RASIP1: variants seen among roughly 807,000 people sequenced by gnomAD.
The protein encoded by RASIP1 is Ras interacting protein 1, also known as ras-interacting protein 1.
Under a neutral mutation model 85.3 loss-of-function variants are expected in RASIP1, and 20 were observed. The observed-to-expected ratio is 0.23, with a 90% CI of 0.17 to 0.34. The LOEUF is 0.34. Among genes scored for constraint, RASIP1 ranks in the 10% least tolerant of loss-of-function variants. RASIP1 has a pLI of 1.00. For missense variants in RASIP1, 1,170 were observed against 1,390.9 expected, an observed-to-expected ratio of 0.84 and a Z score of 2.53; for synonymous variants, 617 against 647.1, an observed-to-expected ratio of 0.95 and a Z score of 0.71.
Position 48,724,908 on chromosome 19 carries a change from C to A in RASIP1, c.2180G>T (p.Gly727Val), listed in dbSNP as rs936229937. The A allele has an allele frequency of 6.2e-7, 1 of 1,614,094 alleles. No individual in the cohort carries two copies. The highest frequency in any genetic ancestry group is 8.5e-7 in the Non-Finnish European group (1 of 1,180,056). The change falls in exon 9 of 12, where the codon GGT becomes GTT. Residue 727 changes from glycine (G) to valine (V), a missense_variant. Gly to Val is a moderately radical substitution (Grantham distance 109, BLOSUM62 -3). Around this residue, in one of 4 missense-constraint regions of RASIP1, gnomAD observed 426 missense variants for 576.2 expected, o/e 0.74. Coordinates refer to ENST00000222145, the MANE Select transcript of RASIP1 (RefSeq NM_017805.3). This position sits in a 1 kb window ranked among gnomAD's most constrained non-coding sequence, Gnocchi z 4.6. ...CGCGCCAGGCCCCGGCAGCTCTGCA[C>A]CAGCTGTGAAAGGGTTACTATCCAG... ...ALLDSNPFTA[G>V]AELPGPGAEL...
chr19:48,737,220 A>G (rs184329950), intron 3 of RASIP1, among the ~76,000 whole-genome samples: 2 of 152,300 alleles, frequency 1.3e-5, no homozygotes, highest in African/African-American at 4.8e-5. Flanking sequence ...ATATTATCCC[A>G]TTGAATCCTC....
At chr19:48,734,493 T>TC (rs1568481497) in intron 4 of RASIP1, among the ~76,000 whole-genome samples, 6 of 146,214 alleles carry the variant, frequency 4.1e-5, no homozygotes, top group South Asian at 4.4e-4. Flanking sequence ...TTTCTTTCTT[T>TC]TTTTTTTTTT....
At position 48,739,675 on chromosome 19, in the gene RASIP1, GGA is replaced by G; in HGVS notation, c.138-32_138-31del. ...GAGTCCGCCGGGGAACAGAGTCGCG[GGA>G]GAGAGACCCAGGACGACACGCCAAG... On this transcript the variant is annotated intron_variant, in intron 2 of 11. Transcript: ENST00000222145. The surrounding 1 kb of genome is among the most constrained non-coding windows in gnomAD (Gnocchi z 9.2). The G allele has an allele frequency of 7.3e-7, 1 of 1,376,638 alleles. No homozygotes were observed. The highest frequency in any genetic ancestry group is 9.4e-7 in the Non-Finnish European group (1 of 1,064,602). The allele number at this position is 1,376,638 out of a possible 1,614,324, so 85.3% of individuals were successfully genotyped here.
chr19:48,728,916 C>G (rs2033392143), intron 5 of RASIP1, 21 bp downstream of exon 5: 1 of 1,429,666 alleles, frequency 7.0e-7, no homozygotes, highest in South Asian at 1.4e-5. Flanking sequence ...TGGGGCTGGA[C>G]GGCGATTGGG....
chr19:48,735,795 T>TC (rs201414213), intron 3 of RASIP1, among the ~76,000 whole-genome samples: 85 of 129,892 alleles, frequency 6.5e-4, no homozygotes, highest in Middle Eastern at 4.3e-3. Flanking sequence ...TTGTTCTTCT[T>TC]TTTTTTTTTT....
At position 48,740,287 on chromosome 19, in the gene RASIP1, C is replaced by CT. The variant is rs752130364; in HGVS notation, c.-4-2dup. ...CTTCCGTTCACCAGACAGCATGGCC[C>CT]TAAGGGAAGGCGGGTAAGGCCCCAA... On this transcript the variant is annotated splice_acceptor_variant, in intron 1 of 11. Transcript: ENST00000222145. LOFTEE classifies it low-confidence loss of function (5UTR_SPLICE). This position sits in a 1 kb window ranked among gnomAD's most constrained non-coding sequence, Gnocchi z 5.5. 6.3e-7 allele frequency: 1 copy of CT among 1,575,052 alleles called. No individual in the cohort carries two copies. The highest frequency in any genetic ancestry group is 1.9e-5 in the Admixed American group (1 of 51,486).
In RASIP1 at chr19:48,738,778, C is replaced by T; in HGVS notation, c.823+182G>A. On this transcript the variant is annotated intron_variant, in intron 3 of 11. Transcript: ENST00000222145. This position sits in a 1 kb window ranked among gnomAD's most constrained non-coding sequence, Gnocchi z 4.0. ...TCTCAGGCCCGCCCATCTGGCCGCC[C>T]CCGGCCCTGCTCTAGCTCTGCCTAG... 3.7e-6 allele frequency: 3 copies of T among 804,310 alleles called. No individual in the cohort carries two copies. The highest frequency in any genetic ancestry group is 1.8e-5 in the African/African-American group (1 of 55,346). 49.8% of individuals were successfully genotyped at this position (804,310 alleles called of 1,614,324 possible).
At chr19:48,736,143 C>T (rs1004157242) in intron 3 of RASIP1, among the ~76,000 whole-genome samples, 1 of 151,142 alleles carries the variant, frequency 6.6e-6, no homozygotes, top group Non-Finnish European at 1.5e-5. Context: ...AGGCCGGGTG[C>T]GGTGGCTCAC....
rs756762672 is a variant in RASIP1 at position 48,724,722 on chromosome 19, T to A, written c.2366A>T (p.Glu789Val). ...SNASLLNSLMERGQGRPFYQW... is the reference protein window; with the variant it reads ...SNASLLNSLMVRGQGRPFYQW... ...AGCTCCCAGCCAACCTTCACCTCGT[T>A]CCATCAGCGAGTTGAGAAGGGATGC... is the stretch of plus-strand genomic sequence containing the variant. The change falls in exon 9 of 12, where the codon GAA becomes GTA. Residue 789 changes from glutamate to valine, a missense_variant. Glu to Val is a moderately radical substitution (Grantham distance 121). Coordinates refer to ENST00000222145, the MANE Select transcript of RASIP1 (RefSeq NM_017805.3). The surrounding 1 kb of genome is among the most constrained non-coding windows in gnomAD (Gnocchi z 4.6). The A allele has an allele frequency of 1.6e-5, 26 of 1,614,140 alleles. 1 individual carries two copies. The Middle Eastern group carries it at 4.9e-4, about 31-fold the overall frequency.
At chr19:48,731,863 C>G (rs1230404315) in intron 4 of RASIP1, among the ~76,000 whole-genome samples, 1 of 152,128 alleles carries the variant, frequency 6.6e-6, no homozygotes. Context: ...ATGGGATGAC[C>G]CAAAATAAAA....
At chr19:48,729,630 A>G (rs2033410574) in intron 4 of RASIP1, 40 bp from the exon 5 acceptor site, 1 of 1,530,584 alleles carries the variant, frequency 6.5e-7, no homozygotes. Context: ...CATCACTTCA[A>G]TCCATATCTT....
chr19:48,736,737 G>A (rs999304811), intron 3 of RASIP1, among the ~76,000 whole-genome samples: 3 of 151,960 alleles, frequency 2.0e-5, no homozygotes, highest in South Asian at 2.1e-4. Context: ...CCAGTGCCCC[G>A]AAAACTGTGT....
At chr19:48,734,261 G>T (rs1235766820) in intron 4 of RASIP1, among the ~76,000 whole-genome samples, 1 of 151,776 alleles carries the variant, frequency 6.6e-6, no homozygotes, top group Non-Finnish European at 1.5e-5. Flanking sequence ...CGCCACTGGA[G>T]TCCAGCCTGG....
Position 48,724,185 on chromosome 19 carries a change from A to G in RASIP1, c.2544+152T>C, listed in dbSNP as rs974615518. ...TCATTGTTGGTGCTGGCTTCCTTCT[A>G]CCTGCCAATGTGTTACCCACAGTGT... On this transcript the variant is annotated intron_variant, in intron 10 of 11. Transcript: ENST00000222145. The surrounding 1 kb of genome is among the most constrained non-coding windows in gnomAD (Gnocchi z 4.6). The G allele has an allele frequency of 2.2e-4, 161 of 728,356 alleles. No individual in the cohort carries two copies. Among genetic ancestry groups the G allele is most frequent in the Non-Finnish European group, 2.7e-4 (124 of 453,466 alleles). The allele number at this position is 728,356 out of a possible 1,614,324, so 45.1% of individuals were successfully genotyped here.
At chr19:48,727,319 G>A (rs2033358929) in intron 6 of RASIP1, 74 bp downstream of exon 6, 11 of 1,565,966 alleles carry the variant, frequency 7.0e-6, no homozygotes, top group South Asian at 1.1e-5. Context: ...GGCATGCATG[G>A]GGTGAACACA....
rs989167426 is a variant in RASIP1, at chr19:48,727,296, A to T, written c.1871+97T>A. 9 of 1,545,702 alleles carry T rather than the reference A, an allele frequency of 5.8e-6. No homozygotes were observed. The African/African-American group carries it at 1.1e-4, about 19-fold the overall frequency. On this transcript the variant is annotated intron_variant, in intron 6 of 11. Coordinates refer to ENST00000222145, the MANE Select transcript of RASIP1 (RefSeq NM_017805.3). ...AAAAGTTGAGCGCAAGGAGAAGCAG[A>T]AACTTGCACTGGGGCATGCATGGGG... is the stretch of plus-strand genomic sequence containing the variant.
chr19:48,735,556 G>A lies in RASIP1; in HGVS notation c.824-5C>T, dbSNP rs775504118. 4.6e-6 allele frequency: 7 copies of A among 1,527,228 alleles called. No individual in the cohort carries two copies. The highest frequency in any genetic ancestry group is 6.2e-6 in the Non-Finnish European group (7 of 1,136,222). The allele number at this position is 1,527,228 out of a possible 1,614,324, so 94.6% of individuals were successfully genotyped here. A position where few individuals can be genotyped will look rare whatever the true frequency, so the allele number is the denominator to read the frequency against. On this transcript the variant is annotated splice_polypyrimidine_tract_variant and splice_region_variant and intron_variant, in intron 3 of 11. Transcript: ENST00000222145. ...GCCACGAAGGGGCGCCGGTGCCTGC[G>A]GAGAGATGGAGAACAGTGAGGCTGA...
In RASIP1 at chr19:48,720,886, C is replaced by A; in HGVS notation, c.2804G>T (p.Arg935Leu). ...ATCCCAGAGGAGGCGGCGGAGCCTA[C>A]GGAGTTCACGGTGCAAGGCATCGTC... ...VTDDALHREL[R>L]RLRRLLWDLE... The change falls in exon 12 of 12, where the codon CGT becomes CTT. Residue 935 changes from arginine to leucine, a missense_variant. This residue lies in a region of RASIP1 where 144 missense variants were observed against 125.5 expected (regional missense o/e 1.15). Coordinates refer to ENST00000222145, the MANE Select transcript of RASIP1 (RefSeq NM_017805.3). 1.2e-6 allele frequency: 2 copies of A among 1,613,968 alleles called. No homozygotes were observed. Among genetic ancestry groups the A allele is most frequent in the Non-Finnish European group, 8.5e-7 (1 of 1,180,016 alleles).
At position 48,724,606 on chromosome 19, in the gene RASIP1, T is replaced by G. The variant is rs1601273766; in HGVS notation, c.2372-97A>C. On this transcript the variant is annotated intron_variant, in intron 9 of 11. Coordinates refer to ENST00000222145, the MANE Select transcript of RASIP1 (RefSeq NM_017805.3). The surrounding 1 kb of genome is among the most constrained non-coding windows in gnomAD (Gnocchi z 4.6). ...ATCCTTCAGCCTGGGATCTGGAGCT[T>G]GTTCTCCAGGGTACCCAAAGGTGAG... The G allele has an allele frequency of 6.4e-7, 1 of 1,572,318 alleles. No homozygotes were observed. Among genetic ancestry groups the G allele is most frequent in the East Asian group, 2.2e-5 (1 of 44,474 alleles).
Sources: gnomAD v4.1 joint callset for allele counts (sites outside exome capture counted in the v4.1 genomes callset) on GRCh38, gnomAD v4.1.1 for gene constraint, gnomAD v4.1.1 regional missense constraint, Gnocchi (gnomAD v3.1) non-coding constraint, MANE v1.5 for transcripts, NCBI Gene and HGNC (gene_info 2026-07-23, HGNC 2026-07-21) for gene names.